The following GPR63 variants were observed in gnomAD, a reference collection of about 807,000 sequenced individuals.
GPR63 encodes probable G protein-coupled receptor 63.
Under a neutral mutation model 23.1 loss-of-function variants are expected in GPR63, and 12 were observed. That is an observed-to-expected ratio of 0.52 (90% CI 0.33 to 0.84). The LOEUF is 0.84. Ranked by LOEUF, GPR63 falls within the 40% of genes least tolerant of loss-of-function variation. GPR63 has a pLI of 0.02. For missense variants in GPR63, 472 were observed against 515.6 expected (o/e 0.92, Z 0.82); for synonymous variants, 172 against 191.1 (o/e 0.90, Z 0.82).
At chr6:96,827,852 A>T (rs1033148360) in intron 1 of GPR63, among the ~76,000 whole-genome samples, 1 of 152,120 alleles carries the variant, frequency 6.6e-6, no homozygotes, top group Non-Finnish European at 1.5e-5. Flanking sequence ...ACACACACTC[A>T]GTAAAGGAAA....
chr6:96,809,101 T>C (rs1773975437), intron 1 of GPR63, among the ~76,000 whole-genome samples: 1 of 152,026 alleles, frequency 6.6e-6, no homozygotes, highest in South Asian at 2.1e-4. Context: ...ACACTGAAAA[T>C]TTTCAAAACC....
In GPR63 at chr6:96,799,281, T is replaced by C; in HGVS notation, c.451A>G (p.Lys151Glu). The C allele has an allele frequency of 6.2e-7, 1 of 1,614,008 alleles. No individual in the cohort carries two copies. Among genetic ancestry groups the C allele is most frequent in the East Asian group, 2.2e-5 (1 of 44,868 alleles). The change falls in exon 2 of 2, where the codon AAA becomes GAA. Residue 151 changes from lysine (K) to glutamate (E), a missense_variant. Lys to Glu is a moderately conservative substitution (Grantham distance 56, BLOSUM62 1). Transcript: ENST00000229955. The part of the protein sequence containing the change: ...TILTTRWIFG[K>E]FFCRVSAMFF... ...ATAGCAGATACCCTACAGAAGAATT[T>C]CCCAAAAATCCATCGGGTAGTAAGA...
Position 96,821,363 on chromosome 6 carries a change from G to A in GPR63, c.-151+15905C>T, listed in dbSNP as rs573477771. On this transcript the variant is annotated intron_variant, in intron 1 of 1. Transcript: ENST00000229955. ...TTTTCCATACCTCACCTCAAACTGA[G>A]TTTAAACCTCTTTCTCACTTTAAGA... Among the ~76,000 whole-genome samples the A allele has an allele frequency of 5.3e-5, 8 of 152,240 alleles. No homozygotes were observed. The East Asian group carries it at 1.3e-3, about 26-fold the overall frequency.
chr6:96,803,604 C>A (rs1357881906), intron 1 of GPR63, among the ~76,000 whole-genome samples: 4 of 152,174 alleles, frequency 2.6e-5, no homozygotes, highest in Admixed American at 2.0e-4. Context: ...TATTCCCTGG[C>A]CTTCTTCCTT....
At chr6:96,824,061 T>C (rs532184151) in intron 1 of GPR63, among the ~76,000 whole-genome samples, 1 of 152,278 alleles carries the variant, frequency 6.6e-6, no homozygotes, top group South Asian at 2.1e-4. Context: ...TAGTATGGTA[T>C]TATCCACTAA....
intron 1 of GPR63, among the ~76,000 whole-genome samples, chr6:96,803,249 GGAAAAAC>G (rs1773816436): frequency 6.6e-6 from 1 of 152,122 alleles, no homozygotes; most frequent in African/African-American, 2.4e-5. Flanking sequence ...CTGCCACAGA[GGAAAAAC>G]CTCTAGATAC....
At chr6:96,835,512 T>C (rs1201588961) in intron 1 of GPR63, among the ~76,000 whole-genome samples, 1 of 152,212 alleles carries the variant, frequency 6.6e-6, no homozygotes, top group Non-Finnish European at 1.5e-5. Flanking sequence ...GGTGCTCAAG[T>C]AACTCTAGGA....
At chr6:96,826,661 G>A (rs1774445773) in intron 1 of GPR63, among the ~76,000 whole-genome samples, 1 of 152,038 alleles carries the variant, frequency 6.6e-6, no homozygotes, top group South Asian at 2.1e-4. Context: ...AAGCATTTGA[G>A]TTGCGATTAC....
At position 96,831,459 on chromosome 6, in the gene GPR63, T is replaced by C. The variant is rs367700117; in HGVS notation, c.-151+5809A>G. Among the ~76,000 whole-genome samples, 45 of 150,942 alleles carry C rather than the reference T, an allele frequency of 3.0e-4. No homozygotes were observed. The South Asian group carries it at 9.2e-3, about 31-fold the overall frequency. On this transcript the variant is annotated intron_variant, in intron 1 of 1. Transcript: ENST00000229955. ...CAAAAAAAAAAAAAACTGTAGAAGA[T>C]AAACAGGGAAGACAATGATTAGCTC...
intron 1 of GPR63, among the ~76,000 whole-genome samples, chr6:96,808,493 T>G (rs1044256604): frequency 1.3e-5 from 2 of 152,172 alleles, no homozygotes; most frequent in African/African-American, 4.8e-5. Flanking sequence ...TGAAACAAAG[T>G]GAAAATTCTA....
intron 1 of GPR63, among the ~76,000 whole-genome samples, chr6:96,816,685 T>C (rs929330334): frequency 1.7e-4 from 26 of 152,240 alleles, no homozygotes; most frequent in African/African-American, 6.0e-4. Context: ...ACCGAGAGCC[T>C]GCAAAGTGGC....
At chr6:96,816,037 GAA>G (rs1774154791) in intron 1 of GPR63, among the ~76,000 whole-genome samples, 1 of 151,992 alleles carries the variant, frequency 6.6e-6, no homozygotes, top group African/African-American at 2.4e-5. Context: ...AAAGATTAAT[GAA>G]AAAACTAATT....
chr6:96,811,001 T>C (rs1190022941), intron 1 of GPR63, among the ~76,000 whole-genome samples: 1 of 152,166 alleles, frequency 6.6e-6, no homozygotes, highest in Non-Finnish European at 1.5e-5. Context: ...TTGCTTAAGA[T>C]AACAATAACC....
intron 1 of GPR63, among the ~76,000 whole-genome samples, chr6:96,815,912 T>C (rs1370637811): frequency 6.6e-6 from 1 of 152,158 alleles, no homozygotes; most frequent in Non-Finnish European, 1.5e-5. Flanking sequence ...CTACATTATT[T>C]TTGAAATGCG....
At chr6:96,828,191 G>A (rs2127959740) in intron 1 of GPR63, among the ~76,000 whole-genome samples, 1 of 152,130 alleles carries the variant, frequency 6.6e-6, no homozygotes, top group South Asian at 2.1e-4. Context: ...GGTACTATCG[G>A]GATGCATTTC....
chr6:96,834,694 C>T (rs1315978862), intron 1 of GPR63, among the ~76,000 whole-genome samples: 1 of 152,116 alleles, frequency 6.6e-6, no homozygotes, highest in East Asian at 1.9e-4. Context: ...TACTTCATTT[C>T]ATTTCTAATT....
At chr6:96,799,945 C>G (rs1277811922) in intron 1 of GPR63, 64 bp from the exon 2 acceptor site, 1 of 586,530 alleles carries the variant, frequency 1.7e-6, no homozygotes, top group African/African-American at 1.9e-5. Context: ...ACATTTAACT[C>G]CAGGGCTGCC....
At chr6:96,823,429 T>G (rs1472466979) in intron 1 of GPR63, among the ~76,000 whole-genome samples, 1 of 152,094 alleles carries the variant, frequency 6.6e-6, no homozygotes, top group Non-Finnish European at 1.5e-5. Context: ...TAACAAAATT[T>G]TAATAGAAAA....
intron 1 of GPR63, among the ~76,000 whole-genome samples, chr6:96,829,046 A>C (rs73758015): frequency 0.027 from 4,112 of 152,316 alleles, 183 homozygotes; most frequent in African/African-American, 0.093. Flanking sequence ...GAAAATAATA[A>C]ATCCATAATT....
Sources: allele counts gnomAD v4.1 joint callset (sites outside exome capture counted in the v4.1 genomes callset), GRCh38; gene constraint gnomAD v4.1.1; transcripts MANE v1.5; gene names NCBI Gene and HGNC (gene_info 2026-07-23, HGNC 2026-07-21).